Variants in PSEN1 observed in about 807,000 individuals in gnomAD.
The protein encoded by PSEN1 is presenilin 1.
Under a neutral mutation model 53.5 loss-of-function variants are expected in PSEN1, and 15 were observed. The ratio of observed to expected loss-of-function variants is 0.28; its 90% CI spans 0.19 to 0.43. The LOEUF (loss-of-function observed/expected upper bound fraction) is 0.43. Ranked by LOEUF, PSEN1 falls within the 20% of genes least tolerant of loss-of-function variation. The pLI is 1.00. For synonymous variants in PSEN1, 208 were observed against 209.8 expected, an observed-to-expected ratio of 0.99 and a Z score of 0.08; for missense variants, 387 against 571.2, an observed-to-expected ratio of 0.68 and a Z score of 3.29.
chr14:73,161,341 G>A (rs1273158939), intron 3 of PSEN1, among the ~76,000 whole-genome samples: 1 of 152,104 alleles, frequency 6.6e-6, no homozygotes, highest in African/African-American at 2.4e-5. Flanking sequence ...TTCCTGTGGT[G>A]TGTAGAAATT....
At chr14:73,137,912 C>G (rs1276927307) in intron 1 of PSEN1, among the ~76,000 whole-genome samples, 2 of 151,890 alleles carry the variant, frequency 1.3e-5, no homozygotes, top group Non-Finnish European at 2.9e-5. Flanking sequence ...CCCGGCTCTA[C>G]AAAAAATTAG....
chr14:73,147,044 C>CTT (rs75227261), intron 1 of PSEN1, among the ~76,000 whole-genome samples: 140 of 138,344 alleles, frequency 1.0e-3, no homozygotes, highest in Non-Finnish European at 1.6e-3. Flanking sequence ...GTCAGCCATT[C>CTT]TTTTTTTTTT....
intron 3 of PSEN1, among the ~76,000 whole-genome samples, chr14:73,153,642 C>A (rs1052524776): frequency 6.9e-6 from 1 of 145,374 alleles, no homozygotes. Flanking sequence ...TGTAGAAATT[C>A]AAACAATATC....
At chr14:73,207,936 A>G (rs1264683224) in intron 9 of PSEN1, among the ~76,000 whole-genome samples, 1 of 152,250 alleles carries the variant, frequency 6.6e-6, no homozygotes, top group Non-Finnish European at 1.5e-5. Flanking sequence ...GCATTACCTA[A>G]GCAGCTTTGA....
rs570454514 is a variant in PSEN1 at position 73,206,159 on chromosome 14, A to G, written c.869-227A>G. On this transcript the variant is annotated intron_variant, in intron 8 of 11. Coordinates refer to ENST00000324501, the MANE Select transcript of PSEN1 (RefSeq NM_000021.4). ...ACTAAAAATGATGAAGAGTTTTGTG[A>G]TAGCAGGTGCAGTTTGAGTACTACA... 1.3e-5 allele frequency: 7 copies of G among 539,038 alleles called. No homozygotes were observed. The African/African-American group carries it at 1.3e-4, about 10-fold the overall frequency. 33.4% of individuals were successfully genotyped at this position (539,038 alleles called of 1,614,324 possible).
intron 3 of PSEN1, among the ~76,000 whole-genome samples, chr14:73,165,023 C>T (rs1288089133): frequency 6.6e-6 from 1 of 152,096 alleles, no homozygotes; most frequent in Non-Finnish European, 1.5e-5. Flanking sequence ...GTGGCACGAT[C>T]TTGGCTCACT....
intron 6 of PSEN1, among the ~76,000 whole-genome samples, chr14:73,192,303 T>C (rs1468679494): frequency 1.3e-5 from 2 of 152,038 alleles, no homozygotes; most frequent in Non-Finnish European, 2.9e-5. Context: ...TAGCTGGGCA[T>C]AGTGGCACAC....
At chr14:73,193,601 A>G (rs1447900121) in intron 7 of PSEN1, among the ~76,000 whole-genome samples, 1 of 151,336 alleles carries the variant, frequency 6.6e-6, no homozygotes, top group African/African-American at 2.4e-5. Context: ...TGGTAGACAC[A>G]CAAAATGCTC....
At position 73,148,026 on chromosome 14, in the gene PSEN1, G is replaced by A; in HGVS notation, c.7G>A (p.Glu3Lys). 6.2e-7 allele frequency: 1 copy of A among 1,613,178 alleles called. No homozygotes were observed. The highest frequency in any genetic ancestry group is 8.5e-7 in the Non-Finnish European group (1 of 1,179,118). Reference sequence around the variant, plus strand: ...TTTCTATACAGTTGCTCCAATGACAGAGTTACCTGCACCGTTGTCCTACTT... The same window carrying A: ...TTTCTATACAGTTGCTCCAATGACAAAGTTACCTGCACCGTTGTCCTACTT... The part of the protein sequence containing the change: MT[E>K]LPAPLSYFQN... The change falls in exon 3 of 12, where the codon GAG (glutamate) becomes AAG (lysine). Residue 3 changes from glutamate (E) to lysine (K), a missense_variant. Coordinates refer to ENST00000324501, the MANE Select transcript of PSEN1 (RefSeq NM_000021.4).
intron 3 of PSEN1, among the ~76,000 whole-genome samples, chr14:73,162,280 A>G (rs1474749199): frequency 6.6e-6 from 1 of 151,974 alleles, no homozygotes; most frequent in Non-Finnish European, 1.5e-5. Flanking sequence ...CCAAGATTCC[A>G]TATTTCTCCC....
At chr14:73,158,282 TTCTATCTATCTA>T (rs56240305) in intron 3 of PSEN1, among the ~76,000 whole-genome samples, 2,249 of 141,562 alleles carry the variant, frequency 0.016, 28 homozygotes, top group Middle Eastern at 0.039. Flanking sequence ...TAACTTTTTT[TTCTATCTATCTA>T]TCTATCTATC....
chr14:73,138,818 T>G (rs1261871451), intron 1 of PSEN1, among the ~76,000 whole-genome samples: 1 of 142,548 alleles, frequency 7.0e-6, no homozygotes, highest in African/African-American at 2.6e-5. Flanking sequence ...AAAAAAAAAA[T>G]TAGCCGGGCG....
chr14:73,217,453 G>T (rs1899963131), intron 11 of PSEN1, among the ~76,000 whole-genome samples: 1 of 152,158 alleles, frequency 6.6e-6, no homozygotes, highest in African/African-American at 2.4e-5. Flanking sequence ...TGTAAGCTCT[G>T]CCCTGAGATA....
chr14:73,148,966 AAAAG>A (rs757203995), intron 3 of PSEN1, among the ~76,000 whole-genome samples: 51 of 152,142 alleles, frequency 3.4e-4, no homozygotes, highest in Non-Finnish European at 6.0e-4. Context: ...TAAATAGAGA[AAAAG>A]AAAGAAAAGA....
chr14:73,197,234 A>G (rs910173157), intron 7 of PSEN1, among the ~76,000 whole-genome samples: 3 of 152,140 alleles, frequency 2.0e-5, no homozygotes, highest in South Asian at 2.1e-4. Context: ...CGCCCGGCCT[A>G]TATGCTGAAT....
intron 5 of PSEN1, among the ~76,000 whole-genome samples, chr14:73,176,939 C>T (rs890032970): frequency 6.6e-6 from 1 of 152,230 alleles, no homozygotes; most frequent in Admixed American, 6.5e-5. Flanking sequence ...CTTTTCATGC[C>T]TCCATGGAAA....
At chr14:73,197,883 A>G in intron 7 of PSEN1, 148 bp from the exon 8 acceptor site, 4 of 601,220 alleles carry the variant, frequency 6.7e-6, no homozygotes, top group South Asian at 3.7e-5. Context: ...TTCACCTGCC[A>G]TTTATTTCAT....
chr14:73,184,952 C>T (rs2043445332), intron 5 of PSEN1, among the ~76,000 whole-genome samples: 1 of 149,906 alleles, frequency 6.7e-6, no homozygotes. Context: ...CAGAGGTGCT[C>T]CTCACATCCC....
chr14:73,185,230 G>A (rs1371181203), intron 5 of PSEN1, among the ~76,000 whole-genome samples: 1 of 152,178 alleles, frequency 6.6e-6, no homozygotes, highest in Non-Finnish European at 1.5e-5. Context: ...CTACAATCTC[G>A]GCACTTTGGG....
Sources: gnomAD v4.1 joint callset for allele counts (sites outside exome capture counted in the v4.1 genomes callset) on GRCh38, gnomAD v4.1.1 for gene constraint, MANE v1.5 for transcripts, NCBI Gene and HGNC (gene_info 2026-07-23, HGNC 2026-07-21) for gene names.